The following TMEM254 variants were observed in gnomAD, a reference collection of about 807,000 sequenced individuals.
TMEM254 encodes transmembrane protein 254.
In TMEM254, 16 loss-of-function variants were observed where a neutral mutation model predicts 13.9. The observed-to-expected ratio is 1.15, with a 90% confidence interval of 0.78 to 1.75. The LOEUF (loss-of-function observed/expected upper bound fraction) is 1.75. TMEM254 is among the 40% of genes most tolerant of loss of function. TMEM254 has a pLI of 0.00. For synonymous variants in TMEM254, 61 were observed against 56.4 expected (o/e 1.08, Z -0.36); for missense variants, 155 against 149.0 (o/e 1.04, Z -0.21).
intron 3 of TMEM254, chr10:80,090,365 G>C: frequency 2.8e-6 from 2 of 717,472 alleles, no homozygotes. Context: ...AGCTACTGCT[G>C]TTCCTGTTTT....
chr10:80,087,974 T>C (rs776740837), intron 3 of TMEM254, among the ~76,000 whole-genome samples: 12 of 152,212 alleles, frequency 7.9e-5, no homozygotes, highest in Non-Finnish European at 1.8e-4. Flanking sequence ...ATTAAAGTTA[T>C]ATTCTTTTAC....
At chr10:80,084,906 A>G (rs1844234786) in intron 3 of TMEM254, among the ~76,000 whole-genome samples, 1 of 151,854 alleles carries the variant, frequency 6.6e-6, no homozygotes, top group Non-Finnish European at 1.5e-5. Flanking sequence ...GCTCACTGCA[A>G]CCTCTGCCTC....
rs1399180344 is a variant in TMEM254, at chr10:80,092,208, A to G, written c.*1291A>G. The G allele has an allele frequency of 6.6e-6, 1 of 152,188 alleles. No individual in the cohort carries two copies. Among genetic ancestry groups the G allele is most frequent in the African/African-American group, 2.4e-5 (1 of 41,444 alleles). 9.4% of individuals were successfully genotyped at this position (152,188 alleles called of 1,614,324 possible). A position where few individuals can be genotyped will look rare whatever the true frequency, so the allele number is the denominator to read the frequency against. On this transcript the variant is annotated 3_prime_UTR_variant, in exon 4 of 4. Transcript: ENST00000372281. ...TGGTACAGTGGGGCAAATTATTTGTATTAAGCAAACATTTATGGGAAACAA... is the reference window on the plus strand; with the variant it reads ...TGGTACAGTGGGGCAAATTATTTGTGTTAAGCAAACATTTATGGGAAACAA...
chr10:80,090,372 T>C (rs1234609359), intron 3 of TMEM254: 1 of 717,422 alleles, frequency 1.4e-6, no homozygotes, highest in Admixed American at 2.0e-5. Flanking sequence ...GCTGTTCCTG[T>C]TTTTCAGATG....
chr10:80,082,718 A>G (rs560194429), intron 3 of TMEM254, among the ~76,000 whole-genome samples: 3 of 152,326 alleles, frequency 2.0e-5, no homozygotes, highest in Admixed American at 6.5e-5. Flanking sequence ...TGCTAGTTAA[A>G]AGCCCCCAAA....
intron 3 of TMEM254, among the ~76,000 whole-genome samples, chr10:80,085,632 T>C (rs1844278581): frequency 6.6e-6 from 1 of 152,092 alleles, no homozygotes; most frequent in African/African-American, 2.4e-5. Context: ...AAAAACCTTT[T>C]GCTATTTTGG....
chr10:80,082,124 T>G, intron 2 of TMEM254, 21 bp from the exon 3 acceptor site: 1 of 1,614,004 alleles, frequency 6.2e-7, no homozygotes, highest in Non-Finnish European at 8.5e-7. Context: ...TAAAAAAGAT[T>G]AACCTTTTTT....
At position 80,078,678 on chromosome 10, in the gene TMEM254, C is replaced by T. The variant is rs775174068; in HGVS notation, c.-22C>T. 2 of 1,580,882 alleles carry T rather than the reference C, an allele frequency of 1.3e-6. No homozygotes were observed. The highest frequency in any genetic ancestry group is 1.7e-6 in the Non-Finnish European group (2 of 1,166,630). On this transcript the variant is annotated 5_prime_UTR_variant, in exon 1 of 4. Coordinates refer to ENST00000372281, the MANE Select transcript of TMEM254 (RefSeq NM_025125.4). ...GCGCTCGACGGTGTCCTGAAGCGCGCTCCCGGGGAGGTGTTGCAGCCATGG... is the reference window on the plus strand; with the variant it reads ...GCGCTCGACGGTGTCCTGAAGCGCGTTCCCGGGGAGGTGTTGCAGCCATGG...
intron 1 of TMEM254, among the ~76,000 whole-genome samples, chr10:80,080,908 T>C (rs1244302591): frequency 6.6e-6 from 1 of 152,092 alleles, no homozygotes; most frequent in Non-Finnish European, 1.5e-5. Context: ...GGTGAAACTC[T>C]GTCTGTATTA....
At chr10:80,079,155 G>A (rs1295110314) in intron 1 of TMEM254, 9 of 1,309,020 alleles carry the variant, frequency 6.9e-6, no homozygotes, top group East Asian at 5.4e-5. Context: ...GCCCTCTCTG[G>A]TCACAGTCCT....
intron 3 of TMEM254, chr10:80,090,263 A>T (rs1844515775): frequency 1.6e-6 from 1 of 640,768 alleles, no homozygotes; most frequent in Admixed American, 2.6e-5. Context: ...ATGACAATAT[A>T]AGCAGGTGTT....
intron 1 of TMEM254, chr10:80,079,268 C>A: frequency 8.2e-7 from 1 of 1,223,690 alleles, no homozygotes; most frequent in Non-Finnish European, 1.1e-6. Flanking sequence ...GGAACGGGGC[C>A]TGTGCGCACG....
intron 3 of TMEM254, among the ~76,000 whole-genome samples, chr10:80,089,643 A>C (rs576887347): frequency 6.6e-6 from 1 of 151,878 alleles, no homozygotes; most frequent in Non-Finnish European, 1.5e-5. Context: ...GTACCAGTAC[A>C]CTCCACTGTA....
At chr10:80,079,356 T>G (rs1843842089) in intron 1 of TMEM254, 1 of 1,179,092 alleles carries the variant, frequency 8.5e-7, no homozygotes, top group Non-Finnish European at 1.1e-6. Flanking sequence ...CTTTCTAGTG[T>G]TCCTGTCTTT....
At chr10:80,090,530 A>G (rs772700304) in intron 3 of TMEM254, 11 of 696,960 alleles carry the variant, frequency 1.6e-5, no homozygotes, top group Non-Finnish European at 2.9e-5. Context: ...TCAGAATCAC[A>G]TGAGAAACAG....
intron 3 of TMEM254, among the ~76,000 whole-genome samples, chr10:80,089,027 G>T (rs546042347): frequency 6.6e-6 from 1 of 151,608 alleles, no homozygotes; most frequent in Non-Finnish European, 1.5e-5. Flanking sequence ...ATGGTACTTT[G>T]TATGAATATA....
rs955546133 is a variant in TMEM254, at chr10:80,091,099, G to C, written c.*182G>C. The C allele has an allele frequency of 1.8e-5, 11 of 627,358 alleles. No individual in the cohort carries two copies. The highest frequency in any genetic ancestry group is 1.7e-4 in the Admixed American group (5 of 28,858). The allele number at this position is 627,358 out of a possible 1,614,324, so 38.9% of individuals were successfully genotyped here. ...TATATGCTCTGGTTGAGCTTGAATAGACCAGTTGTTACTTAAGAAAGAAAC... is the reference window on the plus strand; with the variant it reads ...TATATGCTCTGGTTGAGCTTGAATACACCAGTTGTTACTTAAGAAAGAAAC... On this transcript the variant is annotated 3_prime_UTR_variant, in exon 4 of 4. Coordinates refer to ENST00000372281, the MANE Select transcript of TMEM254 (RefSeq NM_025125.4).
intron 3 of TMEM254, chr10:80,086,230 G>C (rs779475785): frequency 6.8e-7 from 1 of 1,469,902 alleles, no homozygotes; most frequent in South Asian, 1.4e-5. Flanking sequence ...CTTTTAAATA[G>C]GCAAAATGAG....
rs1760727521 is a variant in TMEM254, at chr10:80,081,923, A to G, written c.170A>G (p.His57Arg). Residue 57 changes from histidine (H) to arginine (R), a missense_variant, in exon 2 of 4, where the codon CAT becomes CGT. His to Arg is a conservative substitution (Grantham distance 29). Coordinates refer to ENST00000372281, the MANE Select transcript of TMEM254 (RefSeq NM_025125.4). Reference sequence around the variant, plus strand: ...TTCACTCAGTACTTGGTGGACCACCATCACACCCTCCTGTGCAATGGGTAA... The same window carrying G: ...TTCACTCAGTACTTGGTGGACCACCGTCACACCCTCCTGTGCAATGGGTAA... ...GPFTQYLVDH[H>R]HTLLCNGYWL... 3.7e-6 allele frequency: 6 copies of G among 1,614,038 alleles called. No homozygotes were observed. The highest frequency in any genetic ancestry group is 1.3e-5 in the African/African-American group (1 of 74,936).
Sources: allele counts gnomAD v4.1 joint callset (sites outside exome capture counted in the v4.1 genomes callset), GRCh38; gene constraint gnomAD v4.1.1; transcripts MANE v1.5; gene names NCBI Gene and HGNC (gene_info 2026-07-23, HGNC 2026-07-21).